Variants in DENND1A observed in about 807,000 individuals in gnomAD.
DENND1A encodes DENN domain containing 1A.
Under a neutral mutation model 113.7 loss-of-function variants are expected in DENND1A, and 51 were observed. The observed-to-expected ratio is 0.45, with a 90% CI of 0.36 to 0.57. The LOEUF is 0.57. Among genes scored for constraint, DENND1A ranks in the 20% least tolerant of loss-of-function variants. DENND1A has a pLI of 0.00. For missense variants in DENND1A, 1,258 were observed against 1,395.9 expected (o/e 0.90, Z 1.57); for synonymous variants, 565 against 570.8 (o/e 0.99, Z 0.14).
At chr9:123,587,241 A>G (rs375198837) in intron 11 of DENND1A, among the ~76,000 whole-genome samples, 66 of 152,324 alleles carry the variant, frequency 4.3e-4, no homozygotes, top group African/African-American at 1.3e-3. Flanking sequence ...TGTATGTAGA[A>G]GTACAGAGCA....
intron 13 of DENND1A, among the ~76,000 whole-genome samples, chr9:123,555,300 C>T (rs1354848972): frequency 6.6e-6 from 1 of 152,218 alleles, no homozygotes; most frequent in Non-Finnish European, 1.5e-5. Context: ...CAACTTCAGT[C>T]ATGTCACATT....
At chr9:123,693,804 ATATTAT>A (rs72061275) in intron 5 of DENND1A, among the ~76,000 whole-genome samples, 3,717 of 140,160 alleles carry the variant, frequency 0.027, 121 homozygotes, top group African/African-American at 0.077. Context: ...TTCATTAGCT[ATATTAT>A]TATTATTATT....
At chr9:123,836,581 ATATAT>A (rs1841083161) in intron 2 of DENND1A, among the ~76,000 whole-genome samples, 1 of 152,204 alleles carries the variant, frequency 6.6e-6, no homozygotes. Context: ...GTTAAGTAAA[ATATAT>A]TATAGTTTGA....
chr9:123,502,452 C>CAT (rs2052572607), intron 13 of DENND1A, among the ~76,000 whole-genome samples: 1 of 152,186 alleles, frequency 6.6e-6, no homozygotes, highest in South Asian at 2.1e-4. Context: ...TAGTGATGAA[C>CAT]ATATGCTTAT....
chr9:123,648,586 A>G (rs1465800773), intron 9 of DENND1A, among the ~76,000 whole-genome samples: 1 of 152,152 alleles, frequency 6.6e-6, no homozygotes, highest in African/African-American at 2.4e-5. Flanking sequence ...TTTATATGGC[A>G]AATCTCAGCT....
chr9:123,472,753 C>G (rs1033843714), intron 13 of DENND1A, among the ~76,000 whole-genome samples: 2 of 152,156 alleles, frequency 1.3e-5, no homozygotes, highest in African/African-American at 4.8e-5. Context: ...ACCCTGCCCA[C>G]CCCGCCCACC....
chr9:123,619,725 G>A (rs2138156722), intron 10 of DENND1A, among the ~76,000 whole-genome samples: 1 of 152,228 alleles, frequency 6.6e-6, no homozygotes, highest in South Asian at 2.1e-4. Flanking sequence ...GGCCAGAACT[G>A]TATACTTTTA....
intron 2 of DENND1A, among the ~76,000 whole-genome samples, chr9:123,807,279 A>T (rs1352729749): frequency 2.0e-5 from 3 of 152,294 alleles, no homozygotes; most frequent in Admixed American, 6.5e-5. Context: ...AACTTTGCAA[A>T]TAAATATGTT....
rs1352577766 is a variant in DENND1A at position 123,450,653 on chromosome 9, T to C, written c.1356+40A>G. The stretch of plus-strand genomic sequence containing the variant: ...TACTTTTTTGTGGCCATGCATTTCA[T>C]ACATGGTGCTTATACATTTTGAATA... On this transcript the variant is annotated intron_variant, in intron 18 of 23. Transcript: ENST00000394215. 1.9e-6 allele frequency: 3 copies of C among 1,576,230 alleles called. No individual in the cohort carries two copies. The African/African-American group carries it at 4.1e-5, about 21-fold the overall frequency.
chr9:123,637,730 C>T (rs540375881), intron 9 of DENND1A, among the ~76,000 whole-genome samples: 6 of 152,178 alleles, frequency 3.9e-5, no homozygotes, highest in African/African-American at 1.2e-4. Context: ...AGACAGATGC[C>T]GGACATGTGA....
chr9:123,769,725 T>C (rs901001129), intron 3 of DENND1A, among the ~76,000 whole-genome samples, 162 bp from the exon 4 acceptor site: 1 of 152,014 alleles, frequency 6.6e-6, no homozygotes, highest in Non-Finnish European at 1.5e-5. Flanking sequence ...CAGTCAATCA[T>C]GAGAAATAAT....
rs142681458 is a variant in DENND1A, at chr9:123,382,303, C to A, written c.2342G>T (p.Arg781Leu). ...GCCGGCAGCCTGGAGCTTGGCCGGG[C>A]GGGGAATGGGCGGTGGAGGCACGAT... ...LGIVPPPPIPRPAKLQAAGAA... is the reference protein window; with the variant it reads ...LGIVPPPPIPLPAKLQAAGAA... Residue 781 changes from arginine (R) to leucine (L), a missense_variant, in exon 24 of 24, where the codon CGC becomes CTC. Around this residue, in one of 2 missense-constraint regions of DENND1A, gnomAD observed 1,159 missense variants for 1,231.7 expected, o/e 0.94. Coordinates refer to ENST00000394215, the MANE Select transcript of DENND1A (RefSeq NM_001352964.2). 7 of 1,610,242 alleles carry A rather than the reference C, an allele frequency of 4.3e-6. No homozygotes were observed. In the Admixed American group the frequency reaches 5.0e-5, roughly 12 times the overall value.
intron 5 of DENND1A, among the ~76,000 whole-genome samples, chr9:123,737,827 A>G (rs1179444484): frequency 3.3e-5 from 5 of 152,206 alleles, no homozygotes; most frequent in Admixed American, 3.3e-4. Flanking sequence ...TTCCAAGATA[A>G]TTAATCCCCT....
At chr9:123,633,859 G>GTCAT (rs1159184736) in intron 9 of DENND1A, among the ~76,000 whole-genome samples, 1 of 152,162 alleles carries the variant, frequency 6.6e-6, no homozygotes, top group Non-Finnish European at 1.5e-5. Flanking sequence ...GGAAAACCAA[G>GTCAT]TCATTCATTC....
chr9:123,538,809 CATATATATATAT>C (rs35223887), intron 13 of DENND1A, among the ~76,000 whole-genome samples: 740 of 22,472 alleles, frequency 0.033, 15 homozygotes, highest in Admixed American at 0.056. Flanking sequence ...ACAACTCATA[CATATATATATAT>C]ATATATATAT....
intron 4 of DENND1A, among the ~76,000 whole-genome samples, chr9:123,769,062 C>A (rs965295108): frequency 6.6e-6 from 1 of 151,984 alleles, no homozygotes; most frequent in Non-Finnish European, 1.5e-5. Context: ...TAGCAATATT[C>A]CCTGCTGAAT....
chr9:123,763,990 T>C (rs772229230), intron 4 of DENND1A, among the ~76,000 whole-genome samples: 2 of 152,096 alleles, frequency 1.3e-5, no homozygotes, highest in Non-Finnish European at 2.9e-5. Flanking sequence ...AGAACTTGTT[T>C]TTAAGCTGTT....
At chr9:123,820,904 T>G (rs1838358800) in intron 2 of DENND1A, among the ~76,000 whole-genome samples, 1 of 152,230 alleles carries the variant, frequency 6.6e-6, no homozygotes, top group South Asian at 2.1e-4. Context: ...AAGACTAGCC[T>G]GCACTTTCTT....
intron 19 of DENND1A, among the ~76,000 whole-genome samples, chr9:123,418,206 C>T (rs1176805471): frequency 6.6e-6 from 1 of 152,206 alleles, no homozygotes; most frequent in Non-Finnish European, 1.5e-5. Flanking sequence ...CTCCATATTG[C>T]CAACCCACCG....
Sources: allele counts gnomAD v4.1 joint callset (sites outside exome capture counted in the v4.1 genomes callset), GRCh38; gene constraint gnomAD v4.1.1; regional missense constraint gnomAD v4.1.1; transcripts MANE v1.5; gene names NCBI Gene and HGNC (gene_info 2026-07-23, HGNC 2026-07-21).